The following NIPA2 variants were observed in gnomAD, a reference collection of about 807,000 sequenced individuals.
NIPA2 encodes NIPA magnesium transporter 2, also known as magnesium transporter NIPA2.
NIPA2 carries 11 observed loss-of-function variants against 29.7 expected under a neutral mutation model. The observed-to-expected ratio is 0.37, with a 90% CI of 0.23 to 0.61. NIPA2 has a LOEUF of 0.61. NIPA2 is among the 20% of genes least tolerant of loss of function. NIPA2 has a pLI of 0.66. For synonymous variants in NIPA2, 183 were observed against 161.9 expected (o/e 1.13, Z -0.99); for missense variants, 426 against 437.9 (o/e 0.97, Z 0.24).
chr15:22,843,329 C>T lies in NIPA2; in HGVS notation c.-215-1817C>T, dbSNP rs1011259799. ...ACCATCCTGGCTAACATGGTGAAAC[C>T]CCCGTCTCTACTAAAAATACAAAAA... On this transcript the variant is annotated intron_variant, in intron 2 of 7. Coordinates refer to ENST00000337451, the MANE Select transcript of NIPA2 (RefSeq NM_030922.7). 3.3e-5 allele frequency among the ~76,000 whole-genome samples: 5 copies of T among 151,712 alleles called. No individual in the cohort carries two copies. In the East Asian group the frequency reaches 5.9e-4, roughly 18 times the overall value.
chr15:22,847,466 T>A (rs901007836), intron 3 of NIPA2, among the ~76,000 whole-genome samples: 1 of 149,810 alleles, frequency 6.7e-6, no homozygotes, highest in Non-Finnish European at 1.5e-5. Context: ...GGATGATGAT[T>A]CTTTTTTTTT....
chr15:22,862,728 C>CT (rs901721781), intron 7 of NIPA2, among the ~76,000 whole-genome samples: 21 of 151,966 alleles, frequency 1.4e-4, no homozygotes, highest in African/African-American at 4.6e-4. Context: ...TAATTGAATG[C>CT]TGGATGTAGG....
rs1418215454 is a variant in NIPA2, at chr15:22,867,863, A to C, written c.*1016A>C. The C allele has an allele frequency of 6.6e-6, 1 of 152,228 alleles. No homozygotes were observed. Among genetic ancestry groups the C allele is most frequent in the African/African-American group, 2.4e-5 (1 of 41,458 alleles). 9.4% of individuals were successfully genotyped at this position (152,228 alleles called of 1,614,324 possible). A position where few individuals can be genotyped will look rare whatever the true frequency, so the allele number is the denominator to read the frequency against. The stretch of plus-strand genomic sequence containing the variant: ...TCTAGAAAATGTTTGTTTATGAAGA[A>C]GTCGATGGAAAACTGCAAACATATG... On this transcript the variant is annotated 3_prime_UTR_variant, in exon 8 of 8. Coordinates refer to ENST00000337451, the MANE Select transcript of NIPA2 (RefSeq NM_030922.7).
intron 2 of NIPA2, among the ~76,000 whole-genome samples, 162 bp downstream of exon 2, chr15:22,839,952 A>T (rs907769145): frequency 6.6e-6 from 1 of 152,196 alleles, no homozygotes; most frequent in Non-Finnish European, 1.5e-5. Flanking sequence ...TTCTGAGCCA[A>T]GGTCTTGCTC....
chr15:22,853,272 T>C lies in NIPA2; in HGVS notation c.196+4T>C. The C allele has an allele frequency of 3.1e-6, 5 of 1,595,232 alleles. No homozygotes were observed. The highest frequency in any genetic ancestry group is 4.3e-6 in the Non-Finnish European group (5 of 1,163,720). The stretch of plus-strand genomic sequence containing the variant: ...TGGTGGGCTGGACTGCTGTCAAGTA[T>C]GTATAAAGAACATTGCAAGAAAAAT... On this transcript the variant is annotated splice_donor_region_variant and intron_variant, in intron 5 of 7. Transcript: ENST00000337451.
intron 2 of NIPA2, among the ~76,000 whole-genome samples, chr15:22,840,906 A>G (rs186922104): frequency 1.3e-5 from 2 of 150,992 alleles, no homozygotes; most frequent in Admixed American, 6.7e-5. Flanking sequence ...GACTTTGAAT[A>G]TTACATTTTT....
intron 3 of NIPA2, among the ~76,000 whole-genome samples, chr15:22,850,355 G>T (rs1945292468): frequency 6.6e-6 from 1 of 151,986 alleles, no homozygotes; most frequent in Non-Finnish European, 1.5e-5. Context: ...CTGGCACTCT[G>T]TTCCTTACAC....
intron 3 of NIPA2, among the ~76,000 whole-genome samples, chr15:22,849,359 C>T (rs940882073): frequency 6.6e-6 from 1 of 151,052 alleles, no homozygotes; most frequent in Non-Finnish European, 1.5e-5. Flanking sequence ...GACGGGGTCT[C>T]CAAACTCCCC....
At chr15:22,866,065 C>G (rs1160817912) in intron 7 of NIPA2, 148 bp from the exon 8 acceptor site, 2 of 642,176 alleles carry the variant, frequency 3.1e-6, no homozygotes, top group African/African-American at 1.8e-5. Context: ...TTTGTGGTTG[C>G]ATTTCTGCTT....
intron 7 of NIPA2, among the ~76,000 whole-genome samples, chr15:22,864,653 T>C (rs1381799685): frequency 6.6e-6 from 1 of 152,212 alleles, no homozygotes; most frequent in African/African-American, 2.4e-5. Context: ...TCTCCTTGTT[T>C]CTTGAATGGA....
chr15:22,866,325 A>C lies in NIPA2; in HGVS notation c.561A>C (p.Val187=). Residue 187 remains valine (V), a synonymous_variant, in exon 8 of 8, where the codon GTA becomes GTC. Coordinates refer to ENST00000337451, the MANE Select transcript of NIPA2 (RefSeq NM_030922.7). ...TTGTGTACATAACAATCTGCTCTGTAATCGGCGCGTTTTCAGTCTCCTGTG... is the reference window on the plus strand; with the variant it reads ...TTGTGTACATAACAATCTGCTCTGTCATCGGCGCGTTTTCAGTCTCCTGTG... ...NILVYITICS[V]IGAFSVSCVK... is the part of the protein sequence containing the mutation. The C allele has an allele frequency of 6.2e-7, 1 of 1,614,050 alleles. No homozygotes were observed. Among genetic ancestry groups the C allele is most frequent in the Non-Finnish European group, 8.5e-7 (1 of 1,179,956 alleles).
At chr15:22,851,386 CA>C (rs1306438418) in intron 3 of NIPA2, among the ~76,000 whole-genome samples, 2 of 151,684 alleles carry the variant, frequency 1.3e-5, no homozygotes, top group Admixed American at 6.6e-5. Context: ...AGGCTAGAAA[CA>C]TTTTTTTTTA....
At chr15:22,848,407 T>G (rs1041482477) in intron 3 of NIPA2, among the ~76,000 whole-genome samples, 8 of 152,120 alleles carry the variant, frequency 5.3e-5, no homozygotes, top group African/African-American at 1.9e-4. Flanking sequence ...TTTGTTTGTT[T>G]GTTTGAGACC....
In NIPA2 at chr15:22,867,272, T is replaced by C. The variant is rs2059161715; in HGVS notation, c.*425T>C. The stretch of plus-strand genomic sequence containing the variant: ...AGAGTTATCCCAATACATTATCCTG[T>C]GATTTACCTTACCTACAAAAGTGGC... On this transcript the variant is annotated 3_prime_UTR_variant, in exon 8 of 8. Coordinates refer to ENST00000337451, the MANE Select transcript of NIPA2 (RefSeq NM_030922.7). 7.5e-6 allele frequency: 3 copies of C among 398,964 alleles called. No homozygotes were observed. The highest frequency in any genetic ancestry group is 2.1e-5 in the African/African-American group (1 of 48,622). 24.7% of individuals were successfully genotyped at this position (398,964 alleles called of 1,614,324 possible).
intron 3 of NIPA2, among the ~76,000 whole-genome samples, chr15:22,850,723 T>A (rs1242686478): frequency 6.6e-6 from 1 of 152,172 alleles, no homozygotes; most frequent in Non-Finnish European, 1.5e-5. Flanking sequence ...GAGTTTAAGT[T>A]GCTTTGGTTA....
At chr15:22,857,287 C>T (rs1041042007) in intron 5 of NIPA2, among the ~76,000 whole-genome samples, 2 of 149,796 alleles carry the variant, frequency 1.3e-5, no homozygotes, top group Non-Finnish European at 3.0e-5. Flanking sequence ...AAAAATCAGC[C>T]GGGTGTGGTG....
In NIPA2 at chr15:22,867,215, G is replaced by C. The variant is rs1595456412; in HGVS notation, c.*368G>C. ...TGTCATCCCCACTCCATCAATCCCT[G>C]ACCATGTAAGGCTTTTTTATTTTAA... On this transcript the variant is annotated 3_prime_UTR_variant, in exon 8 of 8. Coordinates refer to ENST00000337451, the MANE Select transcript of NIPA2 (RefSeq NM_030922.7). 1.5e-5 allele frequency: 6 copies of C among 411,300 alleles called. No individual in the cohort carries two copies. The East Asian group carries it at 1.7e-4, about 12-fold the overall frequency. The allele number at this position is 411,300 out of a possible 1,614,324, so 25.5% of individuals were successfully genotyped here.
At chr15:22,851,516 T>C (rs935019214) in intron 3 of NIPA2, 123 bp from the exon 4 acceptor site, 3 of 302,482 alleles carry the variant, frequency 9.9e-6, no homozygotes, top group African/African-American at 2.2e-5. Context: ...ATAAATATTA[T>C]CAATATTAGT....
chr15:22,863,087 T>G (rs553599513), intron 7 of NIPA2, among the ~76,000 whole-genome samples: 1 of 92,084 alleles, frequency 1.1e-5, no homozygotes, highest in Non-Finnish European at 2.2e-5. Flanking sequence ...TTTTCTTTGT[T>G]TTTTTTTTTT....
Sources: gnomAD v4.1 joint callset for allele counts (sites outside exome capture counted in the v4.1 genomes callset) on GRCh38, gnomAD v4.1.1 for gene constraint, MANE v1.5 for transcripts, NCBI Gene and HGNC (gene_info 2026-07-23, HGNC 2026-07-21) for gene names.